Variants in FBXO11 observed in about 807,000 individuals in gnomAD.
The protein encoded by FBXO11 is F-box only protein 11.
A neutral mutation model predicts 117.0 loss-of-function variants in FBXO11; 13 were observed. The observed-to-expected ratio is 0.11, with a 90% CI of 0.07 to 0.18. The LOEUF (loss-of-function observed/expected upper bound fraction) is 0.18. FBXO11 is among the 10% of genes least tolerant of loss of function. The pLI is 1.00. For missense variants in FBXO11, 767 were observed against 1,164.4 expected (o/e 0.66, Z 4.97); for synonymous variants, 490 against 380.5 (o/e 1.29, Z -3.35).
At chr2:47,854,574 G>T (rs947326429) in intron 1 of FBXO11, among the ~76,000 whole-genome samples, 4 of 152,030 alleles carry the variant, frequency 2.6e-5, no homozygotes, top group Non-Finnish European at 5.9e-5. Context: ...AACCTCTCTA[G>T]AATTCAATTC....
At chr2:47,814,373 CT>C (rs141660721) in intron 16 of FBXO11, 304 of 131,432 alleles carry the variant, frequency 2.3e-3, no homozygotes, top group Admixed American at 5.3e-3. Flanking sequence ...TTCAGGGAGT[CT>C]TTTTTTTTTT....
intron 4 of FBXO11, among the ~76,000 whole-genome samples, chr2:47,836,586 G>T (rs1672576871): frequency 6.6e-6 from 1 of 151,980 alleles, no homozygotes; most frequent in Non-Finnish European, 1.5e-5. Context: ...TAAGTGCTGG[G>T]ATTACAGGCG....
chr2:47,900,091 G>C (rs1374009518), intron 1 of FBXO11, among the ~76,000 whole-genome samples: 1 of 152,094 alleles, frequency 6.6e-6, no homozygotes, highest in Non-Finnish European at 1.5e-5. Context: ...AGTAAAGGGA[G>C]AAAAGCAGGA....
rs957079446 is a variant in FBXO11, at chr2:47,807,569, C to T, written c.*549G>A. On this transcript the variant is annotated 3_prime_UTR_variant, in exon 23 of 23. Coordinates refer to ENST00000403359, the MANE Select transcript of FBXO11 (RefSeq NM_001190274.2). ...AGCAAGTCTAGGTGTGCTAACAAAA[C>T]AGGGCACATTCAAGTACAGTAAGAT... 1 of 215,092 alleles carries T rather than the reference C, an allele frequency of 4.6e-6. No individual in the cohort carries two copies. The highest frequency in any genetic ancestry group is 7.1e-5 in the East Asian group (1 of 14,108). 13.3% of individuals were successfully genotyped at this position (215,092 alleles called of 1,614,324 possible).
chr2:47,888,633 C>A (rs1677041958), intron 1 of FBXO11: 11 of 974,298 alleles, frequency 1.1e-5, no homozygotes, highest in Non-Finnish European at 1.3e-5. Context: ...TACTTTTAGG[C>A]TTGTTCTTCT....
intron 12 of FBXO11, 146 bp downstream of exon 12, chr2:47,822,997 A>G: frequency 1.7e-6 from 1 of 572,514 alleles, no homozygotes; most frequent in South Asian, 2.8e-5. Flanking sequence ...TGGCTCATTC[A>G]GATGCACAGA....
chr2:47,848,382 G>A (rs537737736), intron 1 of FBXO11, among the ~76,000 whole-genome samples: 21 of 152,086 alleles, frequency 1.4e-4, no homozygotes, highest in Non-Finnish European at 3.1e-4. Flanking sequence ...TCTAGGTTGT[G>A]CACTTCTTAT....
rs780333602 is a variant in FBXO11 at position 47,832,896 on chromosome 2, T to G, written c.1042-16A>C. 5.0e-6 allele frequency: 8 copies of G among 1,611,888 alleles called. No individual in the cohort carries two copies. The highest frequency in any genetic ancestry group is 3.3e-5 in the South Asian group (3 of 91,028). On this transcript the variant is annotated splice_polypyrimidine_tract_variant and intron_variant, in intron 8 of 22. Coordinates refer to ENST00000403359, the MANE Select transcript of FBXO11 (RefSeq NM_001190274.2). ...CAGGGTTAAACTGAAAAGTAAAAAT[T>G]TTGTTTGAAATAAACAATTACTGCC... is the stretch of plus-strand genomic sequence containing the variant.
chr2:47,819,881 A>C (rs1671258394), intron 14 of FBXO11, among the ~76,000 whole-genome samples: 1 of 152,188 alleles, frequency 6.6e-6, no homozygotes. Context: ...TTCTTACTTG[A>C]ATCAGTTGCA....
chr2:47,899,035 G>A (rs1204390163), intron 1 of FBXO11, among the ~76,000 whole-genome samples: 1 of 152,044 alleles, frequency 6.6e-6, no homozygotes, highest in East Asian at 1.9e-4. Context: ...AGCACTTTGG[G>A]AGGCCGAGGC....
intron 1 of FBXO11, among the ~76,000 whole-genome samples, chr2:47,851,840 G>A (rs1673885628): frequency 6.6e-6 from 1 of 152,144 alleles, no homozygotes. Flanking sequence ...ATGAAAATAT[G>A]GCTATATTCT....
intron 1 of FBXO11, among the ~76,000 whole-genome samples, chr2:47,891,770 TCAC>T (rs1457449840): frequency 6.6e-6 from 1 of 152,210 alleles, no homozygotes; most frequent in East Asian, 1.9e-4. Context: ...CTACGTATCT[TCAC>T]CAACACTTGT....
At chr2:47,887,706 CA>C (rs1392841487) in intron 1 of FBXO11, among the ~76,000 whole-genome samples, 2 of 151,722 alleles carry the variant, frequency 1.3e-5, no homozygotes, top group Non-Finnish European at 2.9e-5. Context: ...ACAAAAAATA[CA>C]AAAATTAGCC....
At chr2:47,874,734 C>G (rs1015872012) in intron 1 of FBXO11, among the ~76,000 whole-genome samples, 1 of 151,984 alleles carries the variant, frequency 6.6e-6, no homozygotes, top group Non-Finnish European at 1.5e-5. Flanking sequence ...GGGATTTCAC[C>G]ATGTTGGCCA....
chr2:47,831,308 T>G (rs2104799498), intron 11 of FBXO11, among the ~76,000 whole-genome samples: 1 of 150,638 alleles, frequency 6.6e-6, no homozygotes, highest in East Asian at 2.0e-4. Flanking sequence ...CCCAGCTACT[T>G]GGAAGGCTGA....
At position 47,838,834 on chromosome 2, in the gene FBXO11, T is replaced by G. The variant is rs767240321; in HGVS notation, c.587+25A>C. 8.1e-6 allele frequency: 13 copies of G among 1,597,382 alleles called. No individual in the cohort carries two copies. The African/African-American group carries it at 1.7e-4, about 21-fold the overall frequency. On this transcript the variant is annotated intron_variant, in intron 4 of 22. Coordinates refer to ENST00000403359, the MANE Select transcript of FBXO11 (RefSeq NM_001190274.2). ...GGGCAACAAATAACATATCTCAAGTTAATAAGGAATAGGTTTTTACTTACC... is the reference window on the plus strand; with the variant it reads ...GGGCAACAAATAACATATCTCAAGTGAATAAGGAATAGGTTTTTACTTACC...
chr2:47,842,311 G>A (rs775084478), intron 1 of FBXO11, among the ~76,000 whole-genome samples: 132 of 152,288 alleles, frequency 8.7e-4, no homozygotes, highest in Non-Finnish European at 2.5e-4. Context: ...ACCGGCGCCC[G>A]GCAGGAGGAG....
At chr2:47,826,215 G>A (rs1459506853) in intron 11 of FBXO11, among the ~76,000 whole-genome samples, 2 of 151,938 alleles carry the variant, frequency 1.3e-5, no homozygotes, top group African/African-American at 2.4e-5. Context: ...CCGCCACCAT[G>A]CCCAGCTAAT....
chr2:47,838,744 T>C (rs1394065225), intron 4 of FBXO11, 115 bp downstream of exon 4: 13 of 877,298 alleles, frequency 1.5e-5, no homozygotes, highest in Non-Finnish European at 2.2e-5. Flanking sequence ...AGCATTTTAA[T>C]TTTGTTCCAA....
Sources: allele counts gnomAD v4.1 joint callset (sites outside exome capture counted in the v4.1 genomes callset), GRCh38; gene constraint gnomAD v4.1.1; transcripts MANE v1.5; gene names NCBI Gene and HGNC (gene_info 2026-07-23, HGNC 2026-07-21).